The following KCMF1 variants were observed in gnomAD, a reference collection of about 807,000 sequenced individuals.
KCMF1 encodes the protein potassium channel modulatory factor 1.
KCMF1 carries 3 observed loss-of-function variants against 41.1 expected under a neutral mutation model. The ratio of observed to expected loss-of-function variants is 0.07; its 90% confidence interval spans 0.03 to 0.19. The LOEUF is 0.19. KCMF1 is among the 10% of genes least tolerant of loss of function. KCMF1 has a pLI of 1.00. For synonymous variants in KCMF1, 142 were observed against 164.5 expected (o/e 0.86, Z 1.04); for missense variants, 286 against 488.9 (o/e 0.58, Z 3.91).
In KCMF1 at chr2:84,998,591, A is replaced by AC. The variant is rs1674233711; in HGVS notation, c.16+27124_16+27125insC. Among the ~76,000 whole-genome samples, 5 of 151,634 alleles carry AC rather than the reference A, an allele frequency of 3.3e-5. No homozygotes were observed. The South Asian group carries it at 6.2e-4, about 19-fold the overall frequency. ...GCCTTATTTATTTATTTATTTATTT[A>AC]TTTACTTACTTACTTACTTACTTAT... On this transcript the variant is annotated intron_variant, in intron 1 of 6. Transcript: ENST00000409785.
intron 1 of KCMF1, among the ~76,000 whole-genome samples, chr2:84,975,882 G>A (rs1007955150): frequency 2.0e-5 from 3 of 152,184 alleles, no homozygotes; most frequent in African/African-American, 7.2e-5. Context: ...TTCTTGCATA[G>A]ATTAGAGCCT....
intron 1 of KCMF1, among the ~76,000 whole-genome samples, chr2:84,982,182 T>C (rs1468257380): frequency 6.6e-6 from 1 of 152,040 alleles, no homozygotes; most frequent in Non-Finnish European, 1.5e-5. Flanking sequence ...GTTACGGGTT[T>C]TTGTGAATGG....
At chr2:85,042,035 G>A (rs774929494) in intron 3 of KCMF1, among the ~76,000 whole-genome samples, 3 of 152,170 alleles carry the variant, frequency 2.0e-5, no homozygotes, top group Non-Finnish European at 4.4e-5. Flanking sequence ...ACAGAGGAAA[G>A]AATCTGACCA....
intron 2 of KCMF1, among the ~76,000 whole-genome samples, chr2:85,028,635 G>A (rs112129692): frequency 0.03 from 4,619 of 151,844 alleles, 243 homozygotes; most frequent in African/African-American, 0.11. Context: ...GATTACAGGC[G>A]TGCACCACCA....
At chr2:85,041,761 CTTTTT>C (rs76025789) in intron 3 of KCMF1, among the ~76,000 whole-genome samples, 3 of 91,956 alleles carry the variant, frequency 3.3e-5, no homozygotes, top group Non-Finnish European at 4.6e-5. Flanking sequence ...CATTGCTGGT[CTTTTT>C]TTTTTTTTTT....
chr2:85,028,705 G>C (rs1388965921), intron 2 of KCMF1, among the ~76,000 whole-genome samples: 1 of 150,926 alleles, frequency 6.6e-6, no homozygotes, highest in African/African-American at 2.4e-5. Flanking sequence ...TAACCAGGCT[G>C]GTCTTGAACT....
chr2:85,043,744 C>A, intron 4 of KCMF1, 79 bp downstream of exon 4: 1 of 970,846 alleles, frequency 1.0e-6, no homozygotes, highest in South Asian at 1.4e-5. Flanking sequence ...GAGACAAGAT[C>A]TCGCTGTGTC....
At chr2:85,028,553 G>A (rs1485700916) in intron 2 of KCMF1, among the ~76,000 whole-genome samples, 1 of 122,318 alleles carries the variant, frequency 8.2e-6, no homozygotes, top group Non-Finnish European at 1.6e-5. Flanking sequence ...GCAATGTCGT[G>A]ATCTCAGCTC....
At chr2:85,022,654 A>G (rs1419517660) in intron 1 of KCMF1, among the ~76,000 whole-genome samples, 1 of 152,174 alleles carries the variant, frequency 6.6e-6, no homozygotes, top group Non-Finnish European at 1.5e-5. Flanking sequence ...GAGAATTTTC[A>G]TAAAATAAAT....
At chr2:85,007,118 A>G (rs895863569) in intron 1 of KCMF1, among the ~76,000 whole-genome samples, 276 of 151,876 alleles carry the variant, frequency 1.8e-3, no homozygotes, top group Non-Finnish European at 3.3e-3. Context: ...AAAAAAAAAA[A>G]AAAAGAAATA....
intron 1 of KCMF1, among the ~76,000 whole-genome samples, chr2:84,979,886 G>A (rs1447980804): frequency 2.6e-5 from 4 of 151,788 alleles, no homozygotes; most frequent in East Asian, 1.9e-4. Context: ...GCAGTGGCGC[G>A]ATCTCGGCTC....
At chr2:84,977,176 G>A (rs1673569991) in intron 1 of KCMF1, among the ~76,000 whole-genome samples, 2 of 152,016 alleles carry the variant, frequency 1.3e-5, no homozygotes, top group South Asian at 2.1e-4. Flanking sequence ...ATTGCTCCTA[G>A]CCTTAATTTT....
intron 3 of KCMF1, 95 bp from the exon 4 acceptor site, chr2:85,043,469 A>T (rs921777037): frequency 3.6e-5 from 27 of 757,208 alleles, no homozygotes; most frequent in Admixed American, 8.2e-5. Context: ...GTTGGTTAAA[A>T]CTTGATAATA....
At chr2:85,021,504 C>T (rs1480623969) in intron 1 of KCMF1, among the ~76,000 whole-genome samples, 1 of 151,970 alleles carries the variant, frequency 6.6e-6, no homozygotes, top group African/African-American at 2.4e-5. Flanking sequence ...CACCTGTAGT[C>T]CCAGCTGCTC....
chr2:85,056,415 C>T lies in KCMF1; in HGVS notation c.*3006C>T, dbSNP rs924739181. 6 of 152,050 alleles carry T rather than the reference C, an allele frequency of 3.9e-5. No homozygotes were observed. In the East Asian group the frequency reaches 5.8e-4, roughly 15 times the overall value. The allele number at this position is 152,050 out of a possible 1,614,324, so 9.4% of individuals were successfully genotyped here. A position where few individuals can be genotyped will look rare whatever the true frequency, so the allele number is the denominator to read the frequency against. On this transcript the variant is annotated 3_prime_UTR_variant, in exon 7 of 7. Transcript: ENST00000409785. The stretch of plus-strand genomic sequence containing the variant: ...GGTCTGTGGGCCACAGTTAAAAGAA[C>T]GGGTAACAGGTTCAGAGTTCTCTTG...
chr2:84,979,581 G>T (rs1574002825), intron 1 of KCMF1, among the ~76,000 whole-genome samples: 1 of 151,600 alleles, frequency 6.6e-6, no homozygotes, highest in East Asian at 1.9e-4. Flanking sequence ...CATGCATATG[G>T]ACTCAAAGGA....
At chr2:85,031,631 T>A (rs1574035333) in intron 2 of KCMF1, among the ~76,000 whole-genome samples, 1 of 152,354 alleles carries the variant, frequency 6.6e-6, no homozygotes, top group East Asian at 1.9e-4. Flanking sequence ...TTAGGTGTAT[T>A]AAATGCATTT....
At chr2:85,041,726 G>A (rs1675538911) in intron 3 of KCMF1, among the ~76,000 whole-genome samples, 1 of 149,630 alleles carries the variant, frequency 6.7e-6, no homozygotes, top group South Asian at 2.1e-4. Context: ...TTAAATAACT[G>A]GAACTTGTTT....
At chr2:85,020,783 G>A (rs1252720041) in intron 1 of KCMF1, among the ~76,000 whole-genome samples, 1 of 152,132 alleles carries the variant, frequency 6.6e-6, no homozygotes, top group African/African-American at 2.4e-5. Context: ...TCTTTGCTCA[G>A]GTATCTTTTT....
Sources: allele counts gnomAD v4.1 joint callset (sites outside exome capture counted in the v4.1 genomes callset), GRCh38; gene constraint gnomAD v4.1.1; transcripts MANE v1.5; gene names NCBI Gene and HGNC (gene_info 2026-07-23, HGNC 2026-07-21).